The following TENM2 variants were observed in gnomAD, a reference collection of about 807,000 sequenced individuals.
TENM2 encodes the protein teneurin transmembrane protein 2.
Under a neutral mutation model 245.2 loss-of-function variants are expected in TENM2, and 52 were observed. That is an observed-to-expected ratio of 0.21 (90% confidence interval 0.17 to 0.27). TENM2 has a LOEUF of 0.27. Ranked by LOEUF, TENM2 falls within the 10% of genes least tolerant of loss-of-function variation. The pLI is 1.00. For synonymous variants in TENM2, 1,363 were observed against 1,438.9 expected (o/e 0.95, Z 1.19); for missense variants, 3,046 against 3,666.8 (o/e 0.83, Z 4.37).
At chr5:167,456,244 C>A (rs1430196130) in intron 2 of TENM2, among the ~76,000 whole-genome samples, 2 of 152,116 alleles carry the variant, frequency 1.3e-5, no homozygotes, top group South Asian at 2.1e-4. Context: ...ATAGGAACCC[C>A]AAACCACTTT....
intron 2 of TENM2, among the ~76,000 whole-genome samples, chr5:167,525,558 A>G (rs1277604207): frequency 2.0e-5 from 3 of 152,164 alleles, no homozygotes; most frequent in Non-Finnish European, 4.4e-5. Flanking sequence ...TAATATGGAA[A>G]TTTCAACATG....
the TENM2 span, among the ~76,000 whole-genome samples, chr5:167,053,599 A>G: frequency 6.6e-6 from 1 of 152,112 alleles, no homozygotes; most frequent in African/African-American, 2.4e-5. Context: ...GGCTGGGCAG[A>G]GTGGAGCATG....
intron 9 of TENM2, among the ~76,000 whole-genome samples, chr5:168,103,525 A>G (rs1027358591): frequency 6.6e-6 from 1 of 151,938 alleles, no homozygotes; most frequent in African/African-American, 2.4e-5. Flanking sequence ...ACCCTTTAGA[A>G]GAGCATTAGT....
intron 3 of TENM2, among the ~76,000 whole-genome samples, chr5:167,884,093 A>G (rs1774092853): frequency 6.9e-6 from 1 of 144,122 alleles, no homozygotes; most frequent in African/African-American, 2.9e-5. Context: ...TCTGTAAAAC[A>G]ACAATAAGTG....
At chr5:168,076,149 A>C (rs1353330880) in intron 7 of TENM2, among the ~76,000 whole-genome samples, 1 of 152,064 alleles carries the variant, frequency 6.6e-6, no homozygotes, top group Non-Finnish European at 1.5e-5. Context: ...GTTGATGGAC[A>C]TTTGGGTTGT....
the TENM2 span, among the ~76,000 whole-genome samples, chr5:167,060,616 A>C: frequency 6.8e-6 from 1 of 147,960 alleles, no homozygotes; most frequent in Non-Finnish European, 1.5e-5. Context: ...ATTCCACTGC[A>C]CTCCAGCCTG....
intron 7 of TENM2, among the ~76,000 whole-genome samples, chr5:168,081,303 C>G (rs1173355120): frequency 6.6e-6 from 1 of 152,118 alleles, no homozygotes; most frequent in Non-Finnish European, 1.5e-5. Flanking sequence ...TCCTCCCTCC[C>G]TTTATTTTGA....
chr5:167,024,514 C>T, the TENM2 span, among the ~76,000 whole-genome samples: 9 of 152,100 alleles, frequency 5.9e-5, no homozygotes, highest in African/African-American at 1.7e-4. Context: ...GAATGAGAGA[C>T]ACCAAGGGTC....
intron 2 of TENM2, among the ~76,000 whole-genome samples, chr5:167,826,827 T>C (rs759965872): frequency 1.3e-5 from 2 of 152,246 alleles, no homozygotes. Flanking sequence ...AATGAGATCA[T>C]GCACATTGAG....
chr5:167,133,588 G>A, the TENM2 span, among the ~76,000 whole-genome samples: 3 of 150,428 alleles, frequency 2.0e-5, no homozygotes, highest in African/African-American at 7.4e-5. Flanking sequence ...ACTTGTAGGC[G>A]GGTGCCTTGT....
intron 2 of TENM2, among the ~76,000 whole-genome samples, chr5:167,871,618 A>G (rs1335957127): frequency 1.3e-5 from 2 of 152,212 alleles, no homozygotes; most frequent in African/African-American, 4.8e-5. Flanking sequence ...ATATGAGTTT[A>G]ATGAAAAAGA....
Position 168,126,741 on chromosome 5 carries a change from GT to G in TENM2, c.2210-8del, listed in dbSNP as rs776130295. On this transcript the variant is annotated splice_polypyrimidine_tract_variant and intron_variant, in intron 11 of 28. Transcript: ENST00000518659. Reference sequence around the variant, plus strand: ...GCTGTGGTGTTGAGCTGTAATCATTGTTTTTCTTCCAGAAGTGTGCTCAGTA... The same window carrying G: ...GCTGTGGTGTTGAGCTGTAATCATTGTTTTCTTCCAGAAGTGTGCTCAGTA... 1.9e-6 allele frequency: 3 copies of G among 1,598,846 alleles called. No homozygotes were observed. In the South Asian group the frequency reaches 3.4e-5, roughly 18 times the overall value.
chr5:167,939,707 A>G (rs1779018997), intron 3 of TENM2, among the ~76,000 whole-genome samples: 1 of 152,220 alleles, frequency 6.6e-6, no homozygotes, highest in South Asian at 2.1e-4. Context: ...TTCCTGAAAG[A>G]AGCGGAATTC....
At chr5:168,009,657 C>T (rs962518722) in intron 5 of TENM2, among the ~76,000 whole-genome samples, 2 of 152,180 alleles carry the variant, frequency 1.3e-5, no homozygotes, top group African/African-American at 4.8e-5. Context: ...GAATTAGCCT[C>T]CAAACTAACC....
intron 10 of TENM2, 129 bp downstream of exon 12, chr5:168,118,615 C>T: frequency 1.7e-6 from 1 of 600,484 alleles, no homozygotes; most frequent in South Asian, 5.2e-5. Flanking sequence ...CACAAAACAA[C>T]TTCAAACTCC....
intron 2 of TENM2, among the ~76,000 whole-genome samples, chr5:167,642,494 C>T (rs1779676709): frequency 6.6e-6 from 1 of 152,196 alleles, no homozygotes; most frequent in Non-Finnish European, 1.5e-5. Flanking sequence ...TCCTCCTCCT[C>T]ATCTTCCTAC....
intron 2 of TENM2, among the ~76,000 whole-genome samples, chr5:167,848,729 A>G (rs1770287815): frequency 6.6e-6 from 1 of 152,232 alleles, no homozygotes; most frequent in Non-Finnish European, 1.5e-5. Flanking sequence ...CAGAGCTGAC[A>G]GTATCAATGT....
At chr5:167,372,615 G>A (rs1446887280) in intron 1 of TENM2, among the ~76,000 whole-genome samples, 1 of 152,140 alleles carries the variant, frequency 6.6e-6, no homozygotes, top group Non-Finnish European at 1.5e-5. Context: ...ATTTTAAATG[G>A]GATTACATAG....
At chr5:167,286,473 A>G (rs1006083299) in intron 1 of TENM2, among the ~76,000 whole-genome samples, 2 of 152,198 alleles carry the variant, frequency 1.3e-5, no homozygotes, top group African/African-American at 4.8e-5. Context: ...GAAAAAAAAT[A>G]TGAAGAATCA....
Sources: gnomAD v4.1 joint callset for allele counts (sites outside exome capture counted in the v4.1 genomes callset) on GRCh38, gnomAD v4.1.1 for gene constraint, MANE v1.5 for transcripts, NCBI Gene and HGNC (gene_info 2026-07-23, HGNC 2026-07-21) for gene names.